The following LURAP1L variants were observed in gnomAD, a reference collection of about 807,000 sequenced individuals.
LURAP1L encodes leucine rich adaptor protein 1 like, also known as leucine rich adaptor protein 1-like.
LURAP1L carries 12 observed loss-of-function variants against 13.8 expected under a neutral mutation model. That is an observed-to-expected ratio of 0.87 (90% CI 0.56 to 1.41). LURAP1L has a LOEUF of 1.41. Among genes scored for constraint, LURAP1L ranks in the 40% most tolerant of loss-of-function variants. The pLI is 0.00. For synonymous variants in LURAP1L, 139 were observed against 119.2 expected, an observed-to-expected ratio of 1.17 and a Z score of -1.08; for missense variants, 375 against 292.9, an observed-to-expected ratio of 1.28 and a Z score of -2.04.
chr9:12,793,766 G>A (rs371320634), intron 1 of LURAP1L, among the ~76,000 whole-genome samples: 2 of 151,910 alleles, frequency 1.3e-5, no homozygotes, highest in African/African-American at 2.4e-5. Context: ...TTTATTGAAC[G>A]GTAGCTTTAC....
intron 1 of LURAP1L, among the ~76,000 whole-genome samples, chr9:12,780,401 C>T (rs991446810): frequency 3.3e-5 from 5 of 152,322 alleles, no homozygotes; most frequent in African/African-American, 7.2e-5. Flanking sequence ...TCAAAAGTCT[C>T]GATCTTAGAC....
At chr9:12,778,801 G>A (rs908918373) in intron 1 of LURAP1L, among the ~76,000 whole-genome samples, 3 of 152,212 alleles carry the variant, frequency 2.0e-5, no homozygotes, top group Non-Finnish European at 4.4e-5. Flanking sequence ...TAGCATGTAT[G>A]AAAGAATTGT....
chr9:12,821,379 T>TC lies in LURAP1L; in HGVS notation c.313-5dup. The TC allele has an allele frequency of 6.2e-7, 1 of 1,609,600 alleles. No individual in the cohort carries two copies. The highest frequency in any genetic ancestry group is 8.5e-7 in the Non-Finnish European group (1 of 1,176,658). On this transcript the variant is annotated splice_polypyrimidine_tract_variant and splice_region_variant and intron_variant, in intron 1 of 1. Transcript: ENST00000319264. ...CTGGAATATCTTTCTTCTCTCTTTG[T>TC]CCATAGGTTAACCTCAGAGCCACAG...
At chr9:12,802,839 A>G (rs2118517098) in intron 1 of LURAP1L, among the ~76,000 whole-genome samples, 1 of 152,054 alleles carries the variant, frequency 6.6e-6, no homozygotes, top group South Asian at 2.1e-4. Context: ...CTCTACCAAC[A>G]CCTGCTCCCC....
At chr9:12,785,388 AC>A (rs1819335747) in intron 1 of LURAP1L, among the ~76,000 whole-genome samples, 1 of 151,886 alleles carries the variant, frequency 6.6e-6, no homozygotes, top group African/African-American at 2.4e-5. Flanking sequence ...GGTCCTGTAC[AC>A]CCTAAGTCTA....
intron 1 of LURAP1L, among the ~76,000 whole-genome samples, chr9:12,806,651 T>C (rs962874287): frequency 1.3e-5 from 2 of 152,200 alleles, no homozygotes; most frequent in Non-Finnish European, 2.9e-5. Context: ...TAGAAGTCTA[T>C]AAATATTCTC....
At chr9:12,794,549 T>G (rs1819487168) in intron 1 of LURAP1L, among the ~76,000 whole-genome samples, 1 of 152,068 alleles carries the variant, frequency 6.6e-6, no homozygotes, top group Non-Finnish European at 1.5e-5. Context: ...GTTCATACAC[T>G]TGGAAATGAA....
chr9:12,797,070 T>C (rs775396825), intron 1 of LURAP1L, among the ~76,000 whole-genome samples: 12 of 152,008 alleles, frequency 7.9e-5, no homozygotes, highest in Non-Finnish European at 1.5e-4. Context: ...GGGTTAAAAA[T>C]TTCTGCATGG....
chr9:12,793,700 A>T (rs1174851195), intron 1 of LURAP1L, among the ~76,000 whole-genome samples: 1 of 152,098 alleles, frequency 6.6e-6, no homozygotes, highest in Non-Finnish European at 1.5e-5. Context: ...TATGATAAAG[A>T]CAGTGAAAAG....
intron 1 of LURAP1L, among the ~76,000 whole-genome samples, chr9:12,791,575 A>G (rs1586878574): frequency 6.6e-6 from 1 of 151,844 alleles, no homozygotes; most frequent in Non-Finnish European, 1.5e-5. Context: ...AAAAGTTGCT[A>G]TATATCCCTT....
intron 1 of LURAP1L, among the ~76,000 whole-genome samples, chr9:12,779,113 T>C (rs190891932): frequency 6.6e-6 from 1 of 152,268 alleles, no homozygotes; most frequent in East Asian, 1.9e-4. Flanking sequence ...TACTATAATA[T>C]TTTCAGACTG....
intron 1 of LURAP1L, 147 bp from the exon 2 acceptor site, chr9:12,821,239 T>C: frequency 1.1e-6 from 1 of 918,986 alleles, no homozygotes; most frequent in Non-Finnish European, 1.6e-6. Context: ...AGTCAGCAAT[T>C]ATCAAAAAGT....
chr9:12,810,444 T>A (rs1489623194), intron 1 of LURAP1L, among the ~76,000 whole-genome samples: 1 of 152,192 alleles, frequency 6.6e-6, no homozygotes, highest in African/African-American at 2.4e-5. Context: ...TAAGCATAGT[T>A]GTTGATTTCC....
chr9:12,779,136 G>A (rs571670146), intron 1 of LURAP1L, among the ~76,000 whole-genome samples: 3 of 152,000 alleles, frequency 2.0e-5, no homozygotes, highest in Admixed American at 1.3e-4. Flanking sequence ...GTTGACTGTA[G>A]GTAACTAAAA....
chr9:12,778,453 C>G (rs1471642514), intron 1 of LURAP1L, among the ~76,000 whole-genome samples: 2 of 152,148 alleles, frequency 1.3e-5, no homozygotes, highest in African/African-American at 2.4e-5. Context: ...ATAAGAAAAA[C>G]AACTATTACA....
chr9:12,815,291 T>C (rs971226855), intron 1 of LURAP1L, among the ~76,000 whole-genome samples: 3 of 152,162 alleles, frequency 2.0e-5, no homozygotes, highest in African/African-American at 7.2e-5. Context: ...CTGGAATAAA[T>C]TGCTGGAAAA....
At chr9:12,776,072 C>T (rs1322277913) in intron 1 of LURAP1L, 45 bp downstream of exon 1, 1 of 1,571,858 alleles carries the variant, frequency 6.4e-7, no homozygotes, top group Admixed American at 1.7e-5. Flanking sequence ...CTGGGCTGGG[C>T]CAAAAGATGG....
intron 1 of LURAP1L, among the ~76,000 whole-genome samples, chr9:12,815,918 G>T (rs1586887887): frequency 6.6e-6 from 1 of 152,220 alleles, no homozygotes; most frequent in East Asian, 1.9e-4. Context: ...CAAAATTTCT[G>T]ATAAAGTACC....
intron 1 of LURAP1L, among the ~76,000 whole-genome samples, chr9:12,776,341 G>A (rs891001553): frequency 6.6e-6 from 1 of 152,166 alleles, no homozygotes. Flanking sequence ...AGCCTCTTAG[G>A]CACCAGCCCG....
Sources: gnomAD v4.1 joint callset for allele counts (sites outside exome capture counted in the v4.1 genomes callset) on GRCh38, gnomAD v4.1.1 for gene constraint, MANE v1.5 for transcripts, NCBI Gene and HGNC (gene_info 2026-07-23, HGNC 2026-07-21) for gene names.